Variants in ZMYND11 observed in about 807,000 individuals in gnomAD.
ZMYND11 encodes the protein zinc finger MYND-type containing 11.
In ZMYND11, 9 loss-of-function variants were observed where a neutral mutation model predicts 84.9. That is an observed-to-expected ratio of 0.11 (90% CI 0.06 to 0.18). The LOEUF (loss-of-function observed/expected upper bound fraction) is 0.18. ZMYND11 is among the 10% of genes least tolerant of loss of function. The probability of loss-of-function intolerance (pLI) is 1.00; values close to 1 mark genes in which losing one functional copy is unlikely to be tolerated. For missense variants in ZMYND11, 409 were observed against 761.0 expected, an observed-to-expected ratio of 0.54 and a Z score of 5.44; for synonymous variants, 250 against 244.1, an observed-to-expected ratio of 1.02 and a Z score of -0.23.
chr10:213,846 A>C (rs1001621350), intron 3 of ZMYND11, among the ~76,000 whole-genome samples: 1 of 152,070 alleles, frequency 6.6e-6, no homozygotes, highest in Non-Finnish European at 1.5e-5. Flanking sequence ...TTACATTTTT[A>C]TTTCACCTCT....
chr10:158,309 A>G (rs1554760043), intron 1 of ZMYND11, among the ~76,000 whole-genome samples: 3 of 152,158 alleles, frequency 2.0e-5, no homozygotes, highest in South Asian at 4.1e-4. Context: ...ACTGTTTTTG[A>G]AAGCAGCTGC....
intron 10 of ZMYND11, among the ~76,000 whole-genome samples, chr10:246,111 A>G (rs1484075041): frequency 6.6e-6 from 1 of 152,116 alleles, no homozygotes; most frequent in East Asian, 1.9e-4. Flanking sequence ...ACAGAAGCAA[A>G]TGTAGTTGTC....
At chr10:164,977 A>C (rs1157997951) in intron 1 of ZMYND11, among the ~76,000 whole-genome samples, 2 of 152,154 alleles carry the variant, frequency 1.3e-5, no homozygotes, top group Non-Finnish European at 2.9e-5. Flanking sequence ...ATTTTAATTA[A>C]AATGACAATA....
At chr10:206,362 A>G (rs1944172697) in intron 2 of ZMYND11, among the ~76,000 whole-genome samples, 1 of 152,212 alleles carries the variant, frequency 6.6e-6, no homozygotes, top group South Asian at 2.1e-4. Flanking sequence ...TCCATCTCAA[A>G]AATAATAATA....
At chr10:206,848 T>A (rs1262053028) in intron 2 of ZMYND11, among the ~76,000 whole-genome samples, 4 of 152,052 alleles carry the variant, frequency 2.6e-5, no homozygotes, top group Admixed American at 6.5e-5. Context: ...TTAATTTTTT[T>A]ATTATTATTA....
intron 4 of ZMYND11, among the ~76,000 whole-genome samples, chr10:227,043 A>T: frequency 6.6e-6 from 1 of 152,224 alleles, no homozygotes; most frequent in East Asian, 1.9e-4. Flanking sequence ...TTGTAGGGTG[A>T]ATCAAAATCA....
chr10:212,409 C>T (rs1465349799), intron 3 of ZMYND11, among the ~76,000 whole-genome samples: 2 of 151,580 alleles, frequency 1.3e-5, no homozygotes, highest in African/African-American at 4.9e-5. Context: ...TCTAAAATGG[C>T]TGTATAATAT....
chr10:191,575 G>A (rs368491451), intron 2 of ZMYND11, among the ~76,000 whole-genome samples: 4 of 152,184 alleles, frequency 2.6e-5, no homozygotes, highest in South Asian at 2.1e-4. Flanking sequence ...TGATGAAGGA[G>A]CCCTAACAAT....
intron 1 of ZMYND11, among the ~76,000 whole-genome samples, chr10:162,614 G>A (rs1430542663): frequency 1.3e-5 from 2 of 151,972 alleles, no homozygotes; most frequent in Non-Finnish European, 1.5e-5. Context: ...TAGAGGTGAT[G>A]ATATTCTTCT....
intron 2 of ZMYND11, among the ~76,000 whole-genome samples, chr10:189,707 A>C (rs1278706593): frequency 6.6e-6 from 1 of 152,176 alleles, no homozygotes; most frequent in Non-Finnish European, 1.5e-5. Context: ...GTTTTCATGT[A>C]TTTCACATTT....
intron 6 of ZMYND11, among the ~76,000 whole-genome samples, chr10:238,288 A>C (rs1220636403): frequency 6.6e-6 from 1 of 152,220 alleles, no homozygotes; most frequent in African/African-American, 2.4e-5. Flanking sequence ...GGAAATTTAA[A>C]ATCTTAACGC....
chr10:170,923 C>G (rs536646111), intron 1 of ZMYND11, among the ~76,000 whole-genome samples: 12 of 152,066 alleles, frequency 7.9e-5, no homozygotes, highest in Non-Finnish European at 1.5e-4. Flanking sequence ...AAAGTCAACC[C>G]AACAATATCT....
intron 3 of ZMYND11, among the ~76,000 whole-genome samples, chr10:218,792 A>G (rs1946625798): frequency 6.6e-6 from 1 of 152,202 alleles, no homozygotes; most frequent in South Asian, 2.1e-4. Context: ...TTTGACATAC[A>G]TGTTTGAGTG....
intron 4 of ZMYND11, among the ~76,000 whole-genome samples, chr10:221,575 T>C (rs1342785355): frequency 6.6e-6 from 1 of 152,208 alleles, no homozygotes; most frequent in East Asian, 1.9e-4. Context: ...CGTAAAAATA[T>C]ATCCTCTTCC....
At chr10:141,281 C>T (rs1021313835) in intron 1 of ZMYND11, among the ~76,000 whole-genome samples, 6 of 152,020 alleles carry the variant, frequency 3.9e-5, no homozygotes, top group African/African-American at 1.2e-4. Context: ...TGTTATTTAT[C>T]GAAACTCTGG....
At chr10:246,727 T>C (rs1475168034) in intron 10 of ZMYND11, 39 bp from the exon 11 acceptor site, 12 of 1,598,832 alleles carry the variant, frequency 7.5e-6, no homozygotes, top group Non-Finnish European at 1.0e-5. Context: ...TCCTGCCATT[T>C]GGGATGTTTC....
intron 3 of ZMYND11, among the ~76,000 whole-genome samples, chr10:211,266 TATAG>T (rs1342112657): frequency 2.0e-5 from 3 of 151,958 alleles, no homozygotes; most frequent in Admixed American, 1.3e-4. Context: ...TATCTATAGA[TATAG>T]ATAGACATAT....
intron 6 of ZMYND11, 94 bp downstream of exon 6, chr10:237,771 T>C: frequency 1.1e-6 from 1 of 884,678 alleles, no homozygotes; most frequent in Non-Finnish European, 1.7e-6. Flanking sequence ...TTGGTTGCTC[T>C]TCTTTCCTTG....
intron 1 of ZMYND11, among the ~76,000 whole-genome samples, chr10:151,012 C>G (rs1156974541): frequency 6.6e-6 from 1 of 152,082 alleles, no homozygotes; most frequent in Non-Finnish European, 1.5e-5. Context: ...GGGTCCTGAC[C>G]GTTAGAAGGA....
Sources: gnomAD v4.1 joint callset for allele counts (sites outside exome capture counted in the v4.1 genomes callset) on GRCh38, gnomAD v4.1.1 for gene constraint, MANE v1.5 for transcripts, NCBI Gene and HGNC (gene_info 2026-07-23, HGNC 2026-07-21) for gene names.